The following LRRC9 variants were observed in gnomAD, a reference collection of about 807,000 sequenced individuals.
LRRC9 encodes the protein leucine rich repeat containing 9, also known as leucine-rich repeat-containing protein 9.
Under a neutral mutation model 63.2 loss-of-function variants are expected in LRRC9, and 122 were observed. That is an observed-to-expected ratio of 1.93 (90% CI 1.67 to 2.24). The LOEUF (loss-of-function observed/expected upper bound fraction) is 2.24, where lower values mean the gene tolerates loss of function less well. Among genes scored for constraint, LRRC9 ranks in the 30% most tolerant of loss-of-function variants. The probability of loss-of-function intolerance (pLI) is 0.00; values close to 1 mark genes in which losing one functional copy is unlikely to be tolerated. For synonymous variants in LRRC9, 366 were observed against 213.1 expected (o/e 1.72, Z -6.25); for missense variants, 1,071 against 627.7 (o/e 1.71, Z -7.55).
chr14:60,059,592 C>G (rs1380539586), intron 31 of LRRC9, among the ~76,000 whole-genome samples: 3 of 152,302 alleles, frequency 2.0e-5, no homozygotes, highest in African/African-American at 7.2e-5. Context: ...AATCTTATTG[C>G]TGATATGGAT....
intron 23 of LRRC9, among the ~76,000 whole-genome samples, chr14:60,013,796 T>C (rs1168200040): frequency 6.6e-6 from 1 of 152,172 alleles, no homozygotes; most frequent in Non-Finnish European, 1.5e-5. Flanking sequence ...GCATATATTA[T>C]TATATTCGAA....
intron 27 of LRRC9, among the ~76,000 whole-genome samples, chr14:60,023,083 T>C (rs1293340548): frequency 6.6e-6 from 1 of 151,940 alleles, no homozygotes; most frequent in African/African-American, 2.4e-5. Context: ...ATATATATAG[T>C]ATTACATCAT....
chr14:60,054,383 G>C (rs1185724897), intron 30 of LRRC9, among the ~76,000 whole-genome samples: 2 of 151,962 alleles, frequency 1.3e-5, no homozygotes, highest in African/African-American at 4.8e-5. Context: ...TCTGGATAAA[G>C]GGCACTCTCT....
At chr14:59,950,670 G>T (rs1442431465) in intron 8 of LRRC9, among the ~76,000 whole-genome samples, 1 of 135,136 alleles carries the variant, frequency 7.4e-6, no homozygotes, top group African/African-American at 2.9e-5. Flanking sequence ...GCTTCCTTCA[G>T]GAGCTCTTTT....
At chr14:59,980,513 G>A (rs1006434235) in intron 15 of LRRC9, among the ~76,000 whole-genome samples, 1 of 152,044 alleles carries the variant, frequency 6.6e-6, no homozygotes, top group African/African-American at 2.4e-5. Flanking sequence ...AGAATAGCTT[G>A]TCAAGCTCTA....
At position 59,932,697 on chromosome 14, in the gene LRRC9, C is replaced by G. The variant is rs1422273557; in HGVS notation, c.543+658C>G. ...TCAGAATATGTCCAGAGTCTGATCA[C>G]TTCTTACCATCTGCATCACTACCAA... On this transcript the variant is annotated intron_variant, in intron 6 of 31. Transcript: ENST00000445360. This position sits in a 1 kb window ranked among gnomAD's most constrained non-coding sequence, Gnocchi z 4.7. Among the ~76,000 whole-genome samples the G allele has an allele frequency of 1.3e-5, 2 of 152,088 alleles. No homozygotes were observed. Among genetic ancestry groups the G allele is most frequent in the African/African-American group, 4.8e-5 (2 of 41,434 alleles).
chr14:59,962,780 GAA>G lies in LRRC9; in HGVS notation c.1211+1747_1211+1748del, dbSNP rs34322011. Among the ~76,000 whole-genome samples the G allele has an allele frequency of 2.0e-4, 28 of 140,700 alleles. No individual in the cohort carries two copies. Among genetic ancestry groups the G allele is most frequent in the African/African-American group, 4.2e-4 (16 of 38,160 alleles). The allele number at this position is 140,700 out of a possible 152,430, so 92.3% of individuals were successfully genotyped here. On this transcript the variant is annotated intron_variant, in intron 10 of 31. Coordinates refer to ENST00000445360, the Ensembl canonical transcript of LRRC9. This position sits in a 1 kb window ranked among gnomAD's most constrained non-coding sequence, Gnocchi z 5.1. ...AACTCTTTGCAACAAGTGGATTAGTGAAAAAAAAAAAAATGTAAAAGCAAAAT... is the reference window on the plus strand; with the variant it reads ...AACTCTTTGCAACAAGTGGATTAGTGAAAAAAAAAAATGTAAAAGCAAAAT...
chr14:59,959,461 G>A (rs1215379066), intron 8 of LRRC9, among the ~76,000 whole-genome samples: 1 of 152,124 alleles, frequency 6.6e-6, no homozygotes, highest in East Asian at 1.9e-4. Flanking sequence ...TTAAATATTT[G>A]TACTAAAATC....
intron 12 of LRRC9, among the ~76,000 whole-genome samples, chr14:59,968,355 C>T (rs527574805): frequency 3.3e-4 from 50 of 152,142 alleles, no homozygotes; most frequent in African/African-American, 1.1e-3. Context: ...TGGATGGTGG[C>T]GATGGTTGCA....
At chr14:60,047,189 T>G (rs1893506508) in intron 29 of LRRC9, among the ~76,000 whole-genome samples, 1 of 152,174 alleles carries the variant, frequency 6.6e-6, no homozygotes, top group Non-Finnish European at 1.5e-5. Context: ...AGACACAGGA[T>G]CATGTCATCT....
At chr14:60,030,240 T>C (rs187640786) in intron 28 of LRRC9, 6 of 152,226 alleles carry the variant, frequency 3.9e-5, no homozygotes, top group Admixed American at 1.3e-4. Context: ...CAGCCCCTCA[T>C]TGACCTACTT....
intron 29 of LRRC9, among the ~76,000 whole-genome samples, chr14:60,044,940 A>G (rs188667655): frequency 6.6e-6 from 1 of 151,702 alleles, no homozygotes; most frequent in Admixed American, 6.6e-5. Flanking sequence ...AGGTCTATTA[A>G]TGTTTGTTTT....
chr14:60,033,407 A>C (rs182350765), intron 29 of LRRC9, among the ~76,000 whole-genome samples: 1 of 152,254 alleles, frequency 6.6e-6, no homozygotes, highest in Non-Finnish European at 1.5e-5. Context: ...AGTTGTCACT[A>C]CTTAATATGA....
At chr14:60,014,518 C>T (rs1890519390) in intron 23 of LRRC9, among the ~76,000 whole-genome samples, 1 of 151,788 alleles carries the variant, frequency 6.6e-6, no homozygotes. Context: ...GATATTTTCT[C>T]TGGATATAGA....
At chr14:60,037,035 G>T (rs1031667772) in intron 29 of LRRC9, among the ~76,000 whole-genome samples, 1 of 152,030 alleles carries the variant, frequency 6.6e-6, no homozygotes, top group Non-Finnish European at 1.5e-5. Flanking sequence ...CTGTCCTTGC[G>T]ATAGTTTGCT....
In LRRC9 at chr14:60,018,483, A is replaced by G. The variant is rs1890872136; in HGVS notation, c.3426+4A>G. 1 of 686,242 alleles carries G rather than the reference A, an allele frequency of 1.5e-6. No homozygotes were observed. Among genetic ancestry groups the G allele is most frequent in the Admixed American group, 2.1e-5 (1 of 47,604 alleles). The allele number at this position is 686,242 out of a possible 1,614,324, so 42.5% of individuals were successfully genotyped here. A position where few individuals can be genotyped will look rare whatever the true frequency, so the allele number is the denominator to read the frequency against. On this transcript the variant is annotated splice_donor_region_variant and intron_variant, in intron 25 of 31. Transcript: ENST00000445360. ...AATCTATCTACCTAATGTGAAGGTA[A>G]GTCATTCACAAATTTTTCTTTCTTT...
chr14:59,991,297 G>A (rs950607362), intron 17 of LRRC9, among the ~76,000 whole-genome samples: 1 of 152,174 alleles, frequency 6.6e-6, no homozygotes, highest in Non-Finnish European at 1.5e-5. Context: ...AATGAGGTAA[G>A]TTGGTTCTAC....
At chr14:60,025,191 A>G (rs749433100) in intron 27 of LRRC9, among the ~76,000 whole-genome samples, 1 of 151,906 alleles carries the variant, frequency 6.6e-6, no homozygotes, top group Non-Finnish European at 1.5e-5. Context: ...CCGGAGCCCA[A>G]GTAATCCTCC....
intron 28 of LRRC9, among the ~76,000 whole-genome samples, chr14:60,029,405 A>T (rs1186779957): frequency 6.6e-6 from 1 of 152,106 alleles, no homozygotes; most frequent in African/African-American, 2.4e-5. Flanking sequence ...TGTTTCATTT[A>T]TGAAACATCT....
Sources: allele counts gnomAD v4.1 joint callset (sites outside exome capture counted in the v4.1 genomes callset), GRCh38; gene constraint gnomAD v4.1.1; non-coding constraint Gnocchi (gnomAD v3.1); transcripts MANE v1.5; gene names NCBI Gene and HGNC (gene_info 2026-07-23, HGNC 2026-07-21).